PCDHA2: variants seen among roughly 807,000 people sequenced by gnomAD.
PCDHA2 encodes protocadherin alpha 2.
In PCDHA2, 58 loss-of-function variants were observed where a neutral mutation model predicts 66.0. That is an observed-to-expected ratio of 0.88 (90% confidence interval 0.71 to 1.09). The LOEUF is 1.09. Ranked by LOEUF, PCDHA2 falls within the 50% of genes least tolerant of loss-of-function variation. The pLI is 0.00. For synonymous variants in PCDHA2, 634 were observed against 554.0 expected (o/e 1.14, Z -2.03); for missense variants, 1,267 against 1,242.3 (o/e 1.02, Z -0.30).
intron 1 of PCDHA2, chr5:140,804,382 A>C (rs782019583): frequency 2.0e-5 from 3 of 152,024 alleles, no homozygotes; most frequent in Non-Finnish European, 4.4e-5. Context: ...TATCAATATG[A>C]AGTGAAAATT....
At chr5:140,857,465 ATCT>A in intron 1 of PCDHA2, 1 of 1,598,478 alleles carries the variant, frequency 6.3e-7, no homozygotes, top group Non-Finnish European at 8.6e-7. Context: ...AGGCTGCCAC[ATCT>A]TCACGGTGTC....
At chr5:140,963,530 A>T (rs1031416091) in intron 1 of PCDHA2, among the ~76,000 whole-genome samples, 29 of 152,216 alleles carry the variant, frequency 1.9e-4, no homozygotes, top group African/African-American at 6.8e-4. Context: ...CAGAAGTCCC[A>T]TTTACTTCAT....
Position 140,898,113 on chromosome 5 carries a change from C to G in PCDHA2, c.2389-80836C>G, listed in dbSNP as rs369408845. 3.9e-5 allele frequency among the ~76,000 whole-genome samples: 6 copies of G among 151,952 alleles called. No individual in the cohort carries two copies. The East Asian group carries it at 1.2e-3, about 29-fold the overall frequency. ...AGCCCTTTGTCAGATGAGTAGGTTG[C>G]GAAAATTTTCTCCCATTTTGTAGGT... On this transcript the variant is annotated intron_variant, in intron 1 of 3. Coordinates refer to ENST00000526136, the MANE Select transcript of PCDHA2 (RefSeq NM_018905.3).
intron 3 of PCDHA2, among the ~76,000 whole-genome samples, chr5:140,995,268 C>G (rs2097673323): frequency 6.6e-6 from 1 of 152,110 alleles, no homozygotes; most frequent in Non-Finnish European, 1.5e-5. Flanking sequence ...AATACAAGCC[C>G]TTTGATACCA....
rs1444138021 is a variant in PCDHA2 at position 140,855,293 on chromosome 5, C to T, written c.2388+57941C>T. ...CTCAACCACCGTATTACTATTAGGC[C>T]AAAGTTATAAAATTGGAACATGAGG... On this transcript the variant is annotated intron_variant, in intron 1 of 3. Transcript: ENST00000526136. 2.7e-5 allele frequency among the ~76,000 whole-genome samples: 4 copies of T among 149,558 alleles called. 1 individual carries two copies. The highest frequency in any genetic ancestry group is 4.3e-4 in the South Asian group (2 of 4,702).
intron 1 of PCDHA2, chr5:140,868,773 G>A (rs1343929561): frequency 7.6e-6 from 2 of 262,984 alleles, no homozygotes; most frequent in African/African-American, 4.4e-5. Flanking sequence ...GTTTCAATAT[G>A]ACTTATAATC....
intron 1 of PCDHA2, chr5:140,828,967 C>G (rs1203175896): frequency 4.3e-6 from 7 of 1,614,068 alleles, no homozygotes; most frequent in Non-Finnish European, 5.9e-6. Context: ...TTATTGACCA[C>G]TTTAGCATAG....
chr5:140,840,439 A>G (rs1776702337), intron 1 of PCDHA2, among the ~76,000 whole-genome samples: 1 of 151,972 alleles, frequency 6.6e-6, no homozygotes, highest in Non-Finnish European at 1.5e-5. Context: ...AAGCCGTGGA[A>G]ATAGAAACGT....
chr5:140,842,261 A>G (rs2150332955), intron 1 of PCDHA2: 25 of 1,610,966 alleles, frequency 1.6e-5, no homozygotes, highest in Non-Finnish European at 2.1e-5. Flanking sequence ...TGAACAAGAA[A>G]ACTTATACAA....
At chr5:140,853,465 C>A in intron 1 of PCDHA2, 2 of 970,762 alleles carry the variant, frequency 2.1e-6, no homozygotes, top group Non-Finnish European at 2.5e-6. Context: ...TTATATGCAT[C>A]TGTAGTTAAC....
chr5:140,869,552 C>G lies in PCDHA2; in HGVS notation c.2388+72200C>G, dbSNP rs537127263. ...ATTGCGGAATCTAAGCAATCGGACT[C>G]GCGTTTTCCACTAGAGGGAGCTTCT... On this transcript the variant is annotated intron_variant, in intron 1 of 3. Transcript: ENST00000526136. 12 of 1,614,022 alleles carry G rather than the reference C, an allele frequency of 7.4e-6. No homozygotes were observed. The African/African-American group carries it at 1.5e-4, about 20-fold the overall frequency.
Position 140,829,887 on chromosome 5 carries a change from C to T in PCDHA2, c.2388+32535C>T, listed in dbSNP as rs200115025. On this transcript the variant is annotated intron_variant, in intron 1 of 3. Transcript: ENST00000526136. ...GTGGCGAAGGTGCGCGCAGTTGACGCCGACTCAGGCTACAACGCGTGGCTT... is the reference window on the plus strand; with the variant it reads ...GTGGCGAAGGTGCGCGCAGTTGACGTCGACTCAGGCTACAACGCGTGGCTT... 91 of 1,613,822 alleles carry T rather than the reference C, an allele frequency of 5.6e-5. No homozygotes were observed. The highest frequency in any genetic ancestry group is 7.5e-5 in the Non-Finnish European group (89 of 1,179,888).
At chr5:140,936,163 G>A (rs2090818025) in intron 1 of PCDHA2, among the ~76,000 whole-genome samples, 1 of 152,090 alleles carries the variant, frequency 6.6e-6, no homozygotes, top group African/African-American at 2.4e-5. Flanking sequence ...AAAGTGCTGG[G>A]ATTAGAGGCC....
At chr5:140,888,210 T>TTG (rs1325850915) in intron 1 of PCDHA2, among the ~76,000 whole-genome samples, 2 of 152,080 alleles carry the variant, frequency 1.3e-5, no homozygotes, top group Admixed American at 1.3e-4. Context: ...ATGCTGGATT[T>TTG]TGTGTGTGTG....
In PCDHA2 at chr5:140,797,294, C is replaced by T. The variant is rs1340196093; in HGVS notation, c.2330C>T (p.Ser777Phe). The change falls in exon 1 of 4, where the codon TCT becomes TTT. Residue 777 changes from serine to phenylalanine, a missense_variant. By Grantham distance (155) the Ser-to-Phe change is radical (BLOSUM62 -2). Transcript: ENST00000526136. Reference sequence around the variant, plus strand: ...CTCATGGCCTTCAGCCCTAGCTTATCTCAAGGTCCAGACTCCGCAGAAGAG... The same window carrying T: ...CTCATGGCCTTCAGCCCTAGCTTATTTCAAGGTCCAGACTCCGCAGAAGAG... ...TDLMAFSPSL[S>F]QGPDSAEEKQ... The T allele has an allele frequency of 6.2e-7, 1 of 1,614,100 alleles. No homozygotes were observed. The highest frequency in any genetic ancestry group is 1.3e-5 in the African/African-American group (1 of 74,936).
chr5:140,857,659 C>G lies in PCDHA2; in HGVS notation c.2388+60307C>G, dbSNP rs200404988. On this transcript the variant is annotated intron_variant, in intron 1 of 3. Transcript: ENST00000526136. ...TGCTACAGTTCCAGGTGAGCGCGCG[C>G]GATGGGGGCGTGCCGCCTCTGGGCA... is the stretch of plus-strand genomic sequence containing the variant. 3.8e-6 allele frequency: 6 copies of G among 1,596,596 alleles called. No individual in the cohort carries two copies. In the Admixed American group the frequency reaches 8.4e-5, roughly 22 times the overall value.
At chr5:140,828,749 C>T (rs2150158539) in intron 1 of PCDHA2, 1 of 1,614,192 alleles carries the variant, frequency 6.2e-7, no homozygotes, top group South Asian at 1.1e-5. Flanking sequence ...TGGGGGCAAA[C>T]CTGAGCTCAC....
At chr5:140,922,002 A>G (rs138196210) in intron 1 of PCDHA2, among the ~76,000 whole-genome samples, 100 of 152,130 alleles carry the variant, frequency 6.6e-4, no homozygotes, top group Admixed American at 1.6e-3. Flanking sequence ...CAATGAAATG[A>G]TTAGTTTAAA....
chr5:140,967,146 A>C, intron 1 of PCDHA2: 1 of 1,610,972 alleles, frequency 6.2e-7, no homozygotes, highest in Non-Finnish European at 8.5e-7. Flanking sequence ...CTGGCGCACA[A>C]CCCCGTGGCG....
Sources: gnomAD v4.1 joint callset for allele counts (sites outside exome capture counted in the v4.1 genomes callset) on GRCh38, gnomAD v4.1.1 for gene constraint, MANE v1.5 for transcripts, NCBI Gene and HGNC (gene_info 2026-07-23, HGNC 2026-07-21) for gene names.